Variants in GPC5 observed in about 807,000 individuals in gnomAD.
GPC5 encodes glypican 5, also known as glypican-5.
In GPC5, 47 loss-of-function variants were observed where a neutral mutation model predicts 53.9. The ratio of observed to expected loss-of-function variants is 0.87; its 90% CI spans 0.69 to 1.11. The LOEUF is 1.11. Among genes scored for constraint, GPC5 ranks in the 50% most tolerant of loss-of-function variants. The pLI is 0.00. For missense variants in GPC5, 748 were observed against 713.1 expected, an observed-to-expected ratio of 1.05 and a Z score of -0.56; for synonymous variants, 286 against 263.3, an observed-to-expected ratio of 1.09 and a Z score of -0.84.
At chr13:91,594,327 A>C (rs994677537) in intron 2 of GPC5, among the ~76,000 whole-genome samples, 2 of 152,162 alleles carry the variant, frequency 1.3e-5, no homozygotes, top group African/African-American at 4.8e-5. Flanking sequence ...TTCAGATATG[A>C]CTGTATGGTC....
chr13:91,680,391 G>A (rs1040791808), intron 2 of GPC5, among the ~76,000 whole-genome samples: 1 of 152,238 alleles, frequency 6.6e-6, no homozygotes, highest in South Asian at 2.1e-4. Flanking sequence ...GGAGGTTGCA[G>A]TGAGCAAAGA....
At chr13:91,835,391 T>C (rs908341884) in intron 5 of GPC5, among the ~76,000 whole-genome samples, 23 of 152,186 alleles carry the variant, frequency 1.5e-4, no homozygotes, top group Admixed American at 1.4e-3. Flanking sequence ...ACTGGGTATA[T>C]ACCCAAAGGA....
chr13:91,743,243 AT>A (rs1177373438), intron 4 of GPC5, among the ~76,000 whole-genome samples: 2 of 151,956 alleles, frequency 1.3e-5, no homozygotes, highest in Non-Finnish European at 2.9e-5. Flanking sequence ...TGTTGTTACA[AT>A]TTTTTTTACT....
At chr13:91,548,411 G>C (rs9589287) in intron 2 of GPC5, among the ~76,000 whole-genome samples, 357 of 152,204 alleles carry the variant, frequency 2.3e-3, no homozygotes, top group African/African-American at 8.4e-3. Context: ...AACAAAATAT[G>C]TACAGCTCTA....
At chr13:92,345,947 C>G (rs2043407922) in intron 7 of GPC5, among the ~76,000 whole-genome samples, 1 of 152,136 alleles carries the variant, frequency 6.6e-6, no homozygotes, top group African/African-American at 2.4e-5. Flanking sequence ...TTTATAACCA[C>G]TCTTTAAAAC....
intron 5 of GPC5, among the ~76,000 whole-genome samples, chr13:91,871,841 C>G (rs1188085270): frequency 6.6e-6 from 1 of 151,928 alleles, no homozygotes; most frequent in Non-Finnish European, 1.5e-5. Flanking sequence ...GAGCCTACAA[C>G]TGCTTTTTTC....
intron 2 of GPC5, among the ~76,000 whole-genome samples, chr13:91,567,234 A>G (rs1342707091): frequency 2.0e-5 from 3 of 152,112 alleles, no homozygotes; most frequent in East Asian, 1.9e-4. Context: ...TCAACGTGGT[A>G]TATATGAAGG....
chr13:91,403,175 C>T (rs1331056561), intron 1 of GPC5, among the ~76,000 whole-genome samples: 3 of 152,194 alleles, frequency 2.0e-5, no homozygotes, highest in Admixed American at 1.3e-4. Context: ...AATTGGGACC[C>T]GTCGTCTGAC....
At chr13:92,526,834 T>C (rs1881300600) in intron 7 of GPC5, among the ~76,000 whole-genome samples, 1 of 151,702 alleles carries the variant, frequency 6.6e-6, no homozygotes, top group African/African-American at 2.4e-5. Context: ...TGGTATTAAA[T>C]ATAATGGAAA....
intron 2 of GPC5, among the ~76,000 whole-genome samples, chr13:91,499,902 T>C (rs1392337292): frequency 3.3e-5 from 5 of 152,246 alleles, no homozygotes; most frequent in African/African-American, 4.8e-5. Flanking sequence ...CAAGGGTTTA[T>C]TTATTGCCTG....
chr13:92,084,323 G>T lies in GPC5; in HGVS notation c.1402-60507G>T, dbSNP rs145309255. On this transcript the variant is annotated intron_variant, in intron 6 of 7. Transcript: ENST00000377067. ...ATCAGTTTTTTTAAATCAGAGTGTT[G>T]TCTTGCTATATCACGTGGGTCACAT... Among the ~76,000 whole-genome samples, 133 of 152,274 alleles carry T rather than the reference G, an allele frequency of 8.7e-4. 1 individual carries two copies. Among genetic ancestry groups the T allele is most frequent in the African/African-American group, 6.5e-4 (27 of 41,558 alleles).
chr13:92,822,712 G>C (rs1034136064), intron 7 of GPC5, among the ~76,000 whole-genome samples: 4 of 152,050 alleles, frequency 2.6e-5, no homozygotes, highest in African/African-American at 9.7e-5. Context: ...TAAAGTACCT[G>C]TATTTTTACC....
At chr13:91,438,233 C>T (rs1288463319) in intron 1 of GPC5, among the ~76,000 whole-genome samples, 2 of 152,200 alleles carry the variant, frequency 1.3e-5, no homozygotes, top group Non-Finnish European at 2.9e-5. Context: ...GGAGGAGAGG[C>T]ACTCTGATTT....
At chr13:92,163,039 A>G (rs914370571) in intron 7 of GPC5, among the ~76,000 whole-genome samples, 2 of 152,188 alleles carry the variant, frequency 1.3e-5, no homozygotes, top group African/African-American at 4.8e-5. Flanking sequence ...GCATGAAAAA[A>G]GATGCTCAGA....
chr13:91,530,901 T>TTATTTTGTGGA (rs1886311345), intron 2 of GPC5, among the ~76,000 whole-genome samples: 2 of 152,218 alleles, frequency 1.3e-5, no homozygotes, highest in Non-Finnish European at 2.9e-5. Context: ...GCACGAAATC[T>TTATTTTGTGGA]TATTTTGAGG....
chr13:91,463,856 A>G (rs1286746438), intron 2 of GPC5, among the ~76,000 whole-genome samples: 7 of 152,124 alleles, frequency 4.6e-5, no homozygotes, highest in Non-Finnish European at 1.0e-4. Flanking sequence ...GTCTAGAAGA[A>G]CAGTTCTTAG....
intron 7 of GPC5, among the ~76,000 whole-genome samples, chr13:92,294,078 G>T (rs2043016822): frequency 6.6e-6 from 1 of 152,076 alleles, no homozygotes; most frequent in Non-Finnish European, 1.5e-5. Flanking sequence ...CTGATATGTT[G>T]TTGAATTTGG....
intron 7 of GPC5, among the ~76,000 whole-genome samples, chr13:92,552,467 A>G (rs1882351821): frequency 6.6e-6 from 1 of 151,996 alleles, no homozygotes; most frequent in South Asian, 2.1e-4. Flanking sequence ...AAACTAAGTT[A>G]CTTTGTAAGG....
rs573401820 is a variant in GPC5 at position 91,814,840 on chromosome 13, C to T, written c.1280+58420C>T. On this transcript the variant is annotated intron_variant, in intron 5 of 7. Coordinates refer to ENST00000377067, the MANE Select transcript of GPC5 (RefSeq NM_004466.6). Reference sequence around the variant, plus strand: ...ACAGGCATAAGCCACCGCACCTGGCCACAGCTTTATTTTTTAATTGAATGC... The same window carrying T: ...ACAGGCATAAGCCACCGCACCTGGCTACAGCTTTATTTTTTAATTGAATGC... Among the ~76,000 whole-genome samples the T allele has an allele frequency of 4.6e-5, 7 of 152,254 alleles. No homozygotes were observed. The South Asian group carries it at 1.5e-3, about 32-fold the overall frequency.
Sources: gnomAD v4.1 joint callset for allele counts (sites outside exome capture counted in the v4.1 genomes callset) on GRCh38, gnomAD v4.1.1 for gene constraint, MANE v1.5 for transcripts, NCBI Gene and HGNC (gene_info 2026-07-23, HGNC 2026-07-21) for gene names.